ZDHHC21: variants seen among roughly 807,000 people sequenced by gnomAD.
ZDHHC21 encodes palmitoyltransferase ZDHHC21.
ZDHHC21 carries 15 observed loss-of-function variants against 34.6 expected under a neutral mutation model. The ratio of observed to expected loss-of-function variants is 0.43; its 90% CI spans 0.29 to 0.67. The LOEUF is 0.67. Ranked by LOEUF, ZDHHC21 falls within the 30% of genes least tolerant of loss-of-function variation. ZDHHC21 has a pLI of 0.14. For missense variants in ZDHHC21, 344 were observed against 327.7 expected, an observed-to-expected ratio of 1.05 and a Z score of -0.38; for synonymous variants, 142 against 101.8, an observed-to-expected ratio of 1.40 and a Z score of -2.38.
chr9:14,640,636 G>A (rs1403081231), intron 7 of ZDHHC21, among the ~76,000 whole-genome samples: 1 of 151,980 alleles, frequency 6.6e-6, no homozygotes, highest in Non-Finnish European at 1.5e-5. Context: ...ATAAAAATAT[G>A]GTCCATGGCC....
At chr9:14,677,729 T>G (rs1358843945) in intron 3 of ZDHHC21, among the ~76,000 whole-genome samples, 1 of 152,112 alleles carries the variant, frequency 6.6e-6, no homozygotes, top group Non-Finnish European at 1.5e-5. Context: ...GCACAAACTT[T>G]AAAAACAATT....
At chr9:14,651,061 A>C (rs1831155224) in intron 7 of ZDHHC21, among the ~76,000 whole-genome samples, 1 of 151,970 alleles carries the variant, frequency 6.6e-6, no homozygotes, top group African/African-American at 2.4e-5. Context: ...TCTGACAGTA[A>C]TAGCCACAAA....
downstream of ZDHHC21, among the ~76,000 whole-genome samples, chr9:14,607,656 G>A (rs1253603903): frequency 6.6e-6 from 1 of 151,876 alleles, no homozygotes; most frequent in Non-Finnish European, 1.5e-5. Flanking sequence ...AGAGATCAGG[G>A]CTGTTGTGGA....
the ZDHHC21 span, among the ~76,000 whole-genome samples, chr9:14,603,307 A>G: frequency 6.6e-6 from 1 of 152,176 alleles, no homozygotes; most frequent in South Asian, 2.1e-4. Context: ...CTTATGTCAA[A>G]TAGGAGGAGT....
rs147945281 is a variant in ZDHHC21 at position 14,655,371 on chromosome 9, G to A, written c.504+3378C>T. Among the ~76,000 whole-genome samples, 420 of 151,976 alleles carry A rather than the reference G, an allele frequency of 2.8e-3. 1 individual carries two copies. The highest frequency in any genetic ancestry group is 9.6e-3 in the African/African-American group (397 of 41,504). On this transcript the variant is annotated intron_variant, in intron 7 of 9. Coordinates refer to ENST00000380916, the MANE Select transcript of ZDHHC21 (RefSeq NM_178566.6). ...AAGCAGAAAAAATAAGCCTAGAGGA[G>A]GCTCAGGTATAAAGAGTACTAGAAA... is the stretch of plus-strand genomic sequence containing the variant.
At chr9:14,621,663 A>T (rs1825328995) in intron 8 of ZDHHC21, among the ~76,000 whole-genome samples, 1 of 152,106 alleles carries the variant, frequency 6.6e-6, no homozygotes, top group Non-Finnish European at 1.5e-5. Flanking sequence ...ATACTGTTAT[A>T]AGTACAATTT....
chr9:14,646,452 T>C (rs1427328583), intron 7 of ZDHHC21, among the ~76,000 whole-genome samples: 2 of 152,080 alleles, frequency 1.3e-5, no homozygotes, highest in African/African-American at 4.8e-5. Context: ...TAAAAGTTAG[T>C]TATAAATGGC....
chr9:14,674,145 A>T (rs1254952421), intron 4 of ZDHHC21, 42 bp downstream of exon 4: 6 of 1,393,616 alleles, frequency 4.3e-6, no homozygotes, highest in Non-Finnish European at 5.7e-6. Context: ...GTTTACAATG[A>T]GAAAAATAAT....
intron 7 of ZDHHC21, among the ~76,000 whole-genome samples, chr9:14,657,869 T>A (rs975098841): frequency 8.5e-5 from 13 of 152,332 alleles, no homozygotes; most frequent in African/African-American, 3.1e-4. Context: ...CTCAATTATT[T>A]GAAACAGATT....
the ZDHHC21 span, among the ~76,000 whole-genome samples, chr9:14,595,398 G>C: frequency 1.3e-5 from 2 of 152,148 alleles, no homozygotes; most frequent in East Asian, 3.8e-4. Flanking sequence ...TAAGTGAAAA[G>C]AGTCAGACAT....
At chr9:14,619,580 A>C in intron 9 of ZDHHC21, 59 bp downstream of exon 9, 1 of 1,247,914 alleles carries the variant, frequency 8.0e-7, no homozygotes, top group Non-Finnish European at 1.1e-6. Context: ...CATATTTCTC[A>C]AGTATGTCCA....
At chr9:14,607,857 C>G (rs760376470), downstream of ZDHHC21, among the ~76,000 whole-genome samples, 1 of 152,072 alleles carries the variant, frequency 6.6e-6, no homozygotes, top group Non-Finnish European at 1.5e-5. Context: ...CCTACCACAG[C>G]GATTACCCAA....
intron 1 of ZDHHC21, among the ~76,000 whole-genome samples, chr9:14,691,121 G>A (rs1047017464): frequency 6.6e-6 from 1 of 152,140 alleles, no homozygotes; most frequent in Admixed American, 6.5e-5. Flanking sequence ...TTTTCACTGA[G>A]TCACATTCAA....
At chr9:14,620,873 A>C (rs1026886428) in intron 8 of ZDHHC21, among the ~76,000 whole-genome samples, 1 of 152,052 alleles carries the variant, frequency 6.6e-6, no homozygotes, top group Non-Finnish European at 1.5e-5. Context: ...TACATATTCT[A>C]TATTCATTAG....
At chr9:14,609,292 A>G, downstream of ZDHHC21, among the ~76,000 whole-genome samples, 1 of 152,178 alleles carries the variant, frequency 6.6e-6, no homozygotes, top group East Asian at 1.9e-4. Context: ...TTGTATTATT[A>G]CTAAAGAAAA....
chr9:14,677,807 C>T (rs1407318321), intron 3 of ZDHHC21, among the ~76,000 whole-genome samples: 1 of 152,014 alleles, frequency 6.6e-6, no homozygotes, highest in Admixed American at 6.6e-5. Flanking sequence ...AAAGGAATAC[C>T]ACTATTTTTT....
intron 3 of ZDHHC21, among the ~76,000 whole-genome samples, chr9:14,675,231 G>A (rs1040340843): frequency 1.3e-5 from 2 of 151,622 alleles, no homozygotes; most frequent in Non-Finnish European, 2.9e-5. Context: ...TACCAAAAAA[G>A]TGACTAAAAA....
At chr9:14,654,168 C>G (rs1040449770) in intron 7 of ZDHHC21, among the ~76,000 whole-genome samples, 1 of 152,116 alleles carries the variant, frequency 6.6e-6, no homozygotes, top group South Asian at 2.1e-4. Context: ...CTCAGTTTTT[C>G]AGCTGAGACC....
intron 7 of ZDHHC21, among the ~76,000 whole-genome samples, chr9:14,652,069 A>C (rs1372183746): frequency 6.6e-6 from 1 of 151,962 alleles, no homozygotes; most frequent in Non-Finnish European, 1.5e-5. Flanking sequence ...TAACATCTGA[A>C]AAACTTCTCC....
Sources: allele counts gnomAD v4.1 joint callset (sites outside exome capture counted in the v4.1 genomes callset), GRCh38; gene constraint gnomAD v4.1.1; transcripts MANE v1.5; gene names NCBI Gene and HGNC (gene_info 2026-07-23, HGNC 2026-07-21).